The following NALCN variants were observed in gnomAD, a reference collection of about 807,000 sequenced individuals.
The protein encoded by NALCN is sodium leak channel, non-selective.
A neutral mutation model predicts 225.3 loss-of-function variants in NALCN; 111 were observed. The ratio of observed to expected loss-of-function variants is 0.49; its 90% CI spans 0.42 to 0.58. NALCN has a LOEUF of 0.58. Among genes scored for constraint, NALCN ranks in the 20% least tolerant of loss-of-function variants. NALCN has a pLI of 0.00. For synonymous variants in NALCN, 764 were observed against 769.0 expected (o/e 0.99, Z 0.11); for missense variants, 1,378 against 2,202.4 (o/e 0.63, Z 7.49).
intron 14 of NALCN, among the ~76,000 whole-genome samples, chr13:101,184,785 C>A (rs2039380385): frequency 6.6e-6 from 1 of 152,188 alleles, no homozygotes; most frequent in African/African-American, 2.4e-5. Context: ...TCTCTCCCTG[C>A]AGCAACATAT....
chr13:101,239,762 T>C (rs1228575857), intron 11 of NALCN, among the ~76,000 whole-genome samples: 1 of 152,078 alleles, frequency 6.6e-6, no homozygotes, highest in Admixed American at 6.6e-5. Context: ...CCAAAGTTGG[T>C]ATTGCTGGGG....
intron 17 of NALCN, among the ~76,000 whole-genome samples, chr13:101,139,129 G>A (rs1462105049): frequency 6.6e-6 from 1 of 152,156 alleles, no homozygotes; most frequent in African/African-American, 2.4e-5. Flanking sequence ...TCTGGGAGAA[G>A]GACAGGTATT....
intron 13 of NALCN, among the ~76,000 whole-genome samples, chr13:101,200,793 T>C (rs2040088721): frequency 6.6e-6 from 1 of 152,188 alleles, no homozygotes; most frequent in African/African-American, 2.4e-5. Context: ...CAAGGGTATT[T>C]TCCTATGCTG....
chr13:101,122,305 GGTTT>G (rs2036016899), intron 18 of NALCN, among the ~76,000 whole-genome samples: 1 of 151,998 alleles, frequency 6.6e-6, no homozygotes, highest in African/African-American at 2.4e-5. Flanking sequence ...AAAATTCTAA[GGTTT>G]TTTATTTTTT....
chr13:101,187,683 T>C (rs761336021), intron 14 of NALCN, among the ~76,000 whole-genome samples: 2 of 152,180 alleles, frequency 1.3e-5, no homozygotes, highest in Non-Finnish European at 2.9e-5. Context: ...TTGATACCAG[T>C]GTTCACTCAT....
intron 13 of NALCN, among the ~76,000 whole-genome samples, chr13:101,193,408 G>T (rs1227806481): frequency 6.6e-6 from 1 of 152,218 alleles, no homozygotes; most frequent in Non-Finnish European, 1.5e-5. Flanking sequence ...CACTGTTCAA[G>T]GCCCAGAACA....
chr13:101,206,708 T>G (rs749803937), intron 13 of NALCN, among the ~76,000 whole-genome samples: 1 of 149,530 alleles, frequency 6.7e-6, no homozygotes, highest in East Asian at 1.9e-4. Context: ...ATAAAATAAT[T>G]CAAACAACAG....
rs145273031 is a variant in NALCN, at chr13:101,254,521, G to C, written c.1266+3922C>G. The stretch of plus-strand genomic sequence containing the variant: ...AAGTCAACAAAATCACCACTACCTA[G>C]TTTATTTATTTATTTATTTTTCCAG... On this transcript the variant is annotated intron_variant, in intron 11 of 43. Coordinates refer to ENST00000251127, the MANE Select transcript of NALCN (RefSeq NM_052867.4). 1.2e-3 allele frequency among the ~76,000 whole-genome samples: 189 copies of C among 152,066 alleles called. 1 individual carries two copies. Among genetic ancestry groups the C allele is most frequent in the African/African-American group, 4.5e-3 (185 of 41,500 alleles).
chr13:101,286,970 A>G (rs1283921860), intron 9 of NALCN, among the ~76,000 whole-genome samples: 1 of 152,096 alleles, frequency 6.6e-6, no homozygotes, highest in Non-Finnish European at 1.5e-5. Flanking sequence ...ACATCAATAA[A>G]GTTCAATTCT....
chr13:101,366,184 A>G (rs902993069), intron 6 of NALCN, among the ~76,000 whole-genome samples: 1 of 152,178 alleles, frequency 6.6e-6, no homozygotes, highest in Non-Finnish European at 1.5e-5. Context: ...GTCAAATCTC[A>G]TTACTCTTTT....
chr13:101,342,117 A>G (rs2045576288), intron 7 of NALCN, among the ~76,000 whole-genome samples: 2 of 151,896 alleles, frequency 1.3e-5, no homozygotes, highest in Admixed American at 1.3e-4. Flanking sequence ...ATGGATCAAG[A>G]TGGAATTGAA....
rs189107464 is a variant in NALCN, at chr13:101,135,057, T to C, written c.2118+8023A>G. Reference sequence around the variant, plus strand: ...AAAATACAAAAAAATTAGCCGGGCGTGGTTGCGGGCGCCTGTAGTCCCAGC... The same window carrying C: ...AAAATACAAAAAAATTAGCCGGGCGCGGTTGCGGGCGCCTGTAGTCCCAGC... On this transcript the variant is annotated intron_variant, in intron 17 of 43. Transcript: ENST00000251127. 7.8e-3 allele frequency among the ~76,000 whole-genome samples: 1,190 copies of C among 152,000 alleles called. 24 individuals carry two copies. Among genetic ancestry groups the C allele is most frequent in the African/African-American group, 0.027 (1,121 of 41,458 alleles).
chr13:101,341,101 T>C (rs1431100726), intron 7 of NALCN, among the ~76,000 whole-genome samples: 1 of 152,192 alleles, frequency 6.6e-6, no homozygotes, highest in Non-Finnish European at 1.5e-5. Context: ...GGTTTTCATC[T>C]TATCTCTTCT....
Position 101,292,718 on chromosome 13 carries a change from G to T in NALCN, c.800-352C>A, listed in dbSNP as rs2043598964. ...GTACCATTTAAGCTTGCCACTTGGA[G>T]CCTAACACATTCAATAAGCTGAAAA... On this transcript the variant is annotated intron_variant, in intron 7 of 43. Transcript: ENST00000251127. This position sits in a 1 kb window ranked among gnomAD's most constrained non-coding sequence, Gnocchi z 4.3. Among the ~76,000 whole-genome samples the T allele has an allele frequency of 6.6e-6, 1 of 152,160 alleles. No homozygotes were observed. The highest frequency in any genetic ancestry group is 1.5e-5 in the Non-Finnish European group (1 of 68,036).
rs950308914 is a variant in NALCN, at chr13:101,414,028, G to C, written c.-40+2285C>G. Among the ~76,000 whole-genome samples the C allele has an allele frequency of 3.3e-4, 49 of 150,526 alleles. 1 individual carries two copies. Among genetic ancestry groups the C allele is most frequent in the African/African-American group, 1.1e-3 (45 of 40,764 alleles). On this transcript the variant is annotated intron_variant, in intron 1 of 43. Coordinates refer to ENST00000251127, the MANE Select transcript of NALCN (RefSeq NM_052867.4). ...AGCCTCCCAAGTAACTGGGGCTACA[G>C]GTGTACACCACTACACTTGGTGAAT...
chr13:101,227,489 C>T (rs2041190497), intron 13 of NALCN, among the ~76,000 whole-genome samples: 1 of 152,180 alleles, frequency 6.6e-6, no homozygotes, highest in Non-Finnish European at 1.5e-5. Context: ...CCGTGGAACA[C>T]TGGCTATACA....
At chr13:101,118,129 C>T (rs1010645325) in intron 18 of NALCN, among the ~76,000 whole-genome samples, 1 of 152,006 alleles carries the variant, frequency 6.6e-6, no homozygotes, top group African/African-American at 2.4e-5. Context: ...AACAAATGTA[C>T]CACTCTGATG....
chr13:101,342,992 C>A (rs1436035405), intron 7 of NALCN, among the ~76,000 whole-genome samples: 1 of 152,106 alleles, frequency 6.6e-6, no homozygotes, highest in East Asian at 1.9e-4. Context: ...TCCTTTTTAA[C>A]TAACCATAAT....
chr13:101,370,163 T>C (rs1369795636), intron 6 of NALCN, among the ~76,000 whole-genome samples: 1 of 152,158 alleles, frequency 6.6e-6, no homozygotes, highest in Non-Finnish European at 1.5e-5. Flanking sequence ...CACAATATCC[T>C]CTTTACCTTT....
Sources: gnomAD v4.1 joint callset for allele counts (sites outside exome capture counted in the v4.1 genomes callset) on GRCh38, gnomAD v4.1.1 for gene constraint, Gnocchi (gnomAD v3.1) non-coding constraint, MANE v1.5 for transcripts, NCBI Gene and HGNC (gene_info 2026-07-23, HGNC 2026-07-21) for gene names.